The following GRAMD4 variants were observed in gnomAD, a reference collection of about 807,000 sequenced individuals.
GRAMD4 encodes the protein GRAM domain containing 4, also known as GRAM domain-containing protein 4.
In GRAMD4, 25 loss-of-function variants were observed where a neutral mutation model predicts 83.9. The ratio of observed to expected loss-of-function variants is 0.30; its 90% CI spans 0.22 to 0.42. The LOEUF (loss-of-function observed/expected upper bound fraction) is 0.42. GRAMD4 is among the 10% of genes least tolerant of loss of function. The probability of loss-of-function intolerance (pLI) is 1.00; values close to 1 mark genes in which losing one functional copy is unlikely to be tolerated. For synonymous variants in GRAMD4, 336 were observed against 320.9 expected, an observed-to-expected ratio of 1.05 and a Z score of -0.50; for missense variants, 593 against 788.7, an observed-to-expected ratio of 0.75 and a Z score of 2.97.
intron 2 of GRAMD4, among the ~76,000 whole-genome samples, chr22:46,628,639 C>T (rs1601591802): frequency 6.6e-6 from 1 of 151,406 alleles, no homozygotes; most frequent in East Asian, 1.9e-4. Context: ...GCGTTGGTGT[C>T]TGAGGGGCAG....
At chr22:46,668,428 G>T (rs2082444685) in intron 11 of GRAMD4, among the ~76,000 whole-genome samples, 1 of 152,138 alleles carries the variant, frequency 6.6e-6, no homozygotes, top group African/African-American at 2.4e-5. Context: ...CGAGGGTGGA[G>T]CTCCCCTCCC....
chr22:46,601,865 A>G (rs2081315036), intron 1 of GRAMD4, among the ~76,000 whole-genome samples: 1 of 152,136 alleles, frequency 6.6e-6, no homozygotes, highest in African/African-American at 2.4e-5. Context: ...AGGATTCCGA[A>G]CTCACCATGG....
At chr22:46,660,031 G>A (rs1458917707) in intron 4 of GRAMD4, among the ~76,000 whole-genome samples, 1 of 152,184 alleles carries the variant, frequency 6.6e-6, no homozygotes, top group African/African-American at 2.4e-5. Flanking sequence ...AAGGTGGCCT[G>A]AGGCTGTCCC....
intron 1 of GRAMD4, among the ~76,000 whole-genome samples, chr22:46,581,077 C>T (rs576864234): frequency 1.9e-4 from 29 of 152,080 alleles, no homozygotes; most frequent in Non-Finnish European, 3.4e-4. Flanking sequence ...GAGGCCTGGG[C>T]GGACACTTTG....
intron 3 of GRAMD4, among the ~76,000 whole-genome samples, chr22:46,639,522 G>A (rs927017225): frequency 1.3e-5 from 2 of 151,458 alleles, no homozygotes; most frequent in African/African-American, 4.9e-5. Flanking sequence ...GTGTGCAGTG[G>A]TAGTTAACCC....
chr22:46,643,714 C>T (rs988654691), intron 3 of GRAMD4, among the ~76,000 whole-genome samples: 3 of 152,166 alleles, frequency 2.0e-5, no homozygotes, highest in African/African-American at 7.2e-5. Context: ...AGACTGTCCT[C>T]AATTTGGGTT....
intron 1 of GRAMD4, among the ~76,000 whole-genome samples, chr22:46,602,753 C>A (rs948032549): frequency 5.7e-5 from 6 of 105,530 alleles, no homozygotes; most frequent in Non-Finnish European, 9.7e-5. Flanking sequence ...ATCTTTTGTC[C>A]ATTTTTCTCT....
Position 46,678,884 on chromosome 22 carries a change from T to TTG in GRAMD4, c.*1633_*1634insTG. The stretch of plus-strand genomic sequence containing the variant: ...TAAGCACATGTCCTATCCCAGGCGG[T>TTG]GGAGCGGAGCCCCCGTGGCTCTGGA... On this transcript the variant is annotated 3_prime_UTR_variant, in exon 19 of 19. Transcript: ENST00000406902. The TTG allele has an allele frequency of 1.0e-6, 1 of 985,900 alleles. No individual in the cohort carries two copies. Among genetic ancestry groups the TTG allele is most frequent in the Admixed American group, 6.1e-5 (1 of 16,292 alleles). 61.1% of individuals were successfully genotyped at this position (985,900 alleles called of 1,614,324 possible).
At chr22:46,667,448 C>T (rs891783018) in intron 10 of GRAMD4, among the ~76,000 whole-genome samples, 3 of 152,246 alleles carry the variant, frequency 2.0e-5, no homozygotes, top group Non-Finnish European at 2.9e-5. Flanking sequence ...CATACTGCTG[C>T]GGCTGCTTTT....
At chr22:46,655,993 G>T (rs889745382) in intron 3 of GRAMD4, among the ~76,000 whole-genome samples, 6 of 152,166 alleles carry the variant, frequency 3.9e-5, no homozygotes, top group Non-Finnish European at 5.9e-5. Flanking sequence ...GGGAGGGGGA[G>T]CTCTGGAGGG....
At chr22:46,589,595 G>C (rs1490848905) in intron 1 of GRAMD4, among the ~76,000 whole-genome samples, 1 of 152,124 alleles carries the variant, frequency 6.6e-6, no homozygotes, top group East Asian at 1.9e-4. Context: ...TGCTGCCCCT[G>C]CTTTGCAGGT....
chr22:46,615,458 C>T (rs186670052), upstream of GRAMD4, among the ~76,000 whole-genome samples: 475 of 125,110 alleles, frequency 3.8e-3, 7 homozygotes, highest in South Asian at 5.9e-3. Context: ...TCGGTTTCCC[C>T]GTGTGTAGGT....
rs867972116 is a variant in GRAMD4, at chr22:46,637,063, G to C, written c.163-777G>C. Among the ~76,000 whole-genome samples the C allele has an allele frequency of 4.6e-5, 7 of 152,154 alleles. No individual in the cohort carries two copies. The South Asian group carries it at 1.4e-3, about 32-fold the overall frequency. ...GGTTGCGGCAGACCCTTCTGCCCGG[G>C]GGCCAGTCTCTCCGATCTACTCAGT... On this transcript the variant is annotated intron_variant, in intron 2 of 18. Coordinates refer to ENST00000406902, the MANE Select transcript of GRAMD4 (RefSeq NM_015124.5).
downstream of GRAMD4, among the ~76,000 whole-genome samples, chr22:46,681,524 G>T (rs1230250100): frequency 6.6e-6 from 1 of 152,192 alleles, no homozygotes; most frequent in Non-Finnish European, 1.5e-5. Flanking sequence ...CAGAGGGGCT[G>T]TGCAACAAGG....
chr22:46,675,629 T>G, intron 17 of GRAMD4, 77 bp downstream of exon 17: 1 of 961,810 alleles, frequency 1.0e-6, no homozygotes, highest in Non-Finnish European at 1.7e-6. Context: ...GCTTTCCCTA[T>G]AGACTTCTGC....
intron 1 of GRAMD4, among the ~76,000 whole-genome samples, chr22:46,625,189 C>A (rs1200546270): frequency 2.0e-5 from 3 of 152,166 alleles, no homozygotes; most frequent in Non-Finnish European, 4.4e-5. Context: ...GGGCCGGCAT[C>A]AGGAATACTC....
intron 16 of GRAMD4, 100 bp downstream of exon 16, chr22:46,674,850 G>T (rs34212133): frequency 0.27 from 224,521 of 839,224 alleles, 33,347 homozygotes; most frequent in Non-Finnish European, 0.32. Context: ...AGGTTTTCCT[G>T]AGTGGTGGCC....
chr22:46,618,215 C>T (rs1468949032), upstream of GRAMD4, among the ~76,000 whole-genome samples: 4 of 152,164 alleles, frequency 2.6e-5, no homozygotes, highest in Non-Finnish European at 4.4e-5. This position sits in a 1 kb window ranked among gnomAD's most constrained non-coding sequence, Gnocchi z 5.8. Context: ...TCGAGTCCAC[C>T]TGAGCATCAC....
At chr22:46,628,019 C>T (rs1321290890) in intron 2 of GRAMD4, among the ~76,000 whole-genome samples, 2 of 152,194 alleles carry the variant, frequency 1.3e-5, no homozygotes, top group Admixed American at 1.3e-4. Flanking sequence ...CAGGGGCCTG[C>T]CTTCGCCGGA....
Sources: gnomAD v4.1 joint callset for allele counts (sites outside exome capture counted in the v4.1 genomes callset) on GRCh38, gnomAD v4.1.1 for gene constraint, Gnocchi (gnomAD v3.1) non-coding constraint, MANE v1.5 for transcripts, NCBI Gene and HGNC (gene_info 2026-07-23, HGNC 2026-07-21) for gene names.